Variants in DPP6 observed in about 807,000 individuals in gnomAD.
DPP6 encodes A-type potassium channel modulatory protein DPP6.
In DPP6, 69 loss-of-function variants were observed where a neutral mutation model predicts 122.6. That is an observed-to-expected ratio of 0.56 (90% CI 0.46 to 0.69). DPP6 has a LOEUF of 0.69. DPP6 is among the 30% of genes least tolerant of loss of function. The pLI, the probability that DPP6 is intolerant of heterozygous loss-of-function variation, is 0.00. For synonymous variants in DPP6, 418 were observed against 433.1 expected (o/e 0.97, Z 0.43); for missense variants, 928 against 1,116.9 (o/e 0.83, Z 2.41).
intron 7 of DPP6, among the ~76,000 whole-genome samples, chr7:154,715,059 C>CTTATCTTATT (rs1554443852): frequency 8.6e-5 from 13 of 151,802 alleles, no homozygotes; most frequent in African/African-American, 1.2e-4. Flanking sequence ...TTTATCTTAT[C>CTTATCTTATT]TTATTTTATT....
At chr7:153,943,675 C>T (rs553325806) in intron 1 of DPP6, among the ~76,000 whole-genome samples, 10 of 152,254 alleles carry the variant, frequency 6.6e-5, no homozygotes, top group South Asian at 2.1e-4. Context: ...CAGCTCCAGC[C>T]GTGGTGTGAA....
At chr7:154,822,836 T>G (rs1443682039) in intron 16 of DPP6, among the ~76,000 whole-genome samples, 1 of 152,234 alleles carries the variant, frequency 6.6e-6, no homozygotes, top group East Asian at 1.9e-4. Context: ...CATTGATTTT[T>G]CTGTGTATGT....
intron 1 of DPP6, among the ~76,000 whole-genome samples, chr7:154,120,527 A>G (rs1807371500): frequency 6.6e-6 from 1 of 152,146 alleles, no homozygotes; most frequent in Non-Finnish European, 1.5e-5. Context: ...AACAGGCTTG[A>G]GCCACCGCGC....
intron 1 of DPP6, among the ~76,000 whole-genome samples, chr7:154,361,508 C>T (rs1302415508): frequency 1.4e-5 from 2 of 147,414 alleles, no homozygotes; most frequent in Admixed American, 1.4e-4. Context: ...CAAGGCATAA[C>T]TTAACAGAGA....
intron 1 of DPP6, among the ~76,000 whole-genome samples, chr7:154,174,402 G>A (rs1797689609): frequency 6.6e-6 from 1 of 152,144 alleles, no homozygotes; most frequent in Non-Finnish European, 1.5e-5. Flanking sequence ...GTTCAGTAGT[G>A]TGAAGTAGAT....
At chr7:154,855,966 G>A (rs1337096315) in intron 17 of DPP6, among the ~76,000 whole-genome samples, 1 of 152,146 alleles carries the variant, frequency 6.6e-6, no homozygotes, top group African/African-American at 2.4e-5. Context: ...GTGTCCAATG[G>A]AGCTCACAGC....
intron 1 of DPP6, among the ~76,000 whole-genome samples, chr7:154,053,735 C>G (rs1305149600): frequency 3.3e-5 from 5 of 152,136 alleles, no homozygotes; most frequent in Non-Finnish European, 7.4e-5. Flanking sequence ...TGTCTCCCCT[C>G]CCAGCCCTGG....
the DPP6 span, among the ~76,000 whole-genome samples, chr7:153,779,352 C>T: frequency 6.6e-6 from 1 of 151,566 alleles, no homozygotes; most frequent in Non-Finnish European, 1.5e-5. Flanking sequence ...CAGGATCCAC[C>T]CTTAATGCTA....
intron 1 of DPP6, among the ~76,000 whole-genome samples, chr7:154,367,724 G>A (rs1383489410): frequency 1.3e-5 from 2 of 152,206 alleles, no homozygotes; most frequent in South Asian, 2.1e-4. Flanking sequence ...AGAGTGTGTA[G>A]CATGAGTAAG....
intron 1 of DPP6, among the ~76,000 whole-genome samples, chr7:154,006,611 C>G (rs536309810): frequency 3.3e-5 from 5 of 152,248 alleles, no homozygotes; most frequent in African/African-American, 4.8e-5. Context: ...GAGCTCTGCA[C>G]GGACAGCTGG....
chr7:154,561,432 A>G (rs1830420337), intron 4 of DPP6, among the ~76,000 whole-genome samples: 1 of 152,238 alleles, frequency 6.6e-6, no homozygotes, highest in South Asian at 2.1e-4. Flanking sequence ...AGAAATCAAT[A>G]CCAGAAAAAA....
intron 1 of DPP6, among the ~76,000 whole-genome samples, chr7:154,381,297 G>A (rs908367500): frequency 5.9e-5 from 9 of 152,210 alleles, no homozygotes; most frequent in African/African-American, 1.9e-4. Context: ...TTACTCCGTT[G>A]TGTACAAAGC....
At chr7:154,053,315 C>T (rs1290919402) in intron 1 of DPP6, among the ~76,000 whole-genome samples, 3 of 152,004 alleles carry the variant, frequency 2.0e-5, no homozygotes, top group Admixed American at 6.5e-5. Flanking sequence ...TTGGGTACTG[C>T]GCCTGCTGGG....
intron 1 of DPP6, among the ~76,000 whole-genome samples, chr7:154,267,484 A>C (rs1803499732): frequency 6.6e-6 from 1 of 150,564 alleles, no homozygotes; most frequent in South Asian, 2.1e-4. Flanking sequence ...AAACACATAC[A>C]CATGTGTACA....
chr7:154,641,883 A>G (rs1836121363), intron 6 of DPP6, among the ~76,000 whole-genome samples: 1 of 152,152 alleles, frequency 6.6e-6, no homozygotes, highest in Non-Finnish European at 1.5e-5. Context: ...GTGACTGGCC[A>G]TGTTCTGTGG....
chr7:153,984,793 T>A (rs1796761662), intron 1 of DPP6, among the ~76,000 whole-genome samples: 3 of 152,258 alleles, frequency 2.0e-5, no homozygotes, highest in Admixed American at 1.3e-4. Context: ...TGCTCTGATC[T>A]CATTTTTGGC....
intron 1 of DPP6, among the ~76,000 whole-genome samples, chr7:154,111,620 C>CGTGTGTGTGT (rs71309604): frequency 1.4e-4 from 19 of 134,962 alleles, no homozygotes; most frequent in East Asian, 4.4e-4. Context: ...GGCAGGGTTT[C>CGTGTGTGTGT]GTGTGTGTGT....
the DPP6 span, among the ~76,000 whole-genome samples, chr7:153,875,403 C>T: frequency 6.6e-6 from 1 of 152,066 alleles, no homozygotes; most frequent in African/African-American, 2.4e-5. Context: ...AAATAGATGA[C>T]TTAAGAAGAG....
chr7:154,831,054 C>T (rs920919926), intron 16 of DPP6, among the ~76,000 whole-genome samples: 15 of 152,232 alleles, frequency 9.9e-5, no homozygotes, highest in African/African-American at 1.2e-4. Flanking sequence ...GTCATCCCCA[C>T]GGTGAGTGGG....
Sources: gnomAD v4.1 joint callset for allele counts (sites outside exome capture counted in the v4.1 genomes callset) on GRCh38, gnomAD v4.1.1 for gene constraint, MANE v1.5 for transcripts, NCBI Gene and HGNC (gene_info 2026-07-23, HGNC 2026-07-21) for gene names.